The following ATIC variants were observed in gnomAD, a reference collection of about 807,000 sequenced individuals.
ATIC encodes the protein bifunctional purine biosynthesis protein ATIC.
ATIC carries 64 observed loss-of-function variants against 72.5 expected under a neutral mutation model. The ratio of observed to expected loss-of-function variants is 0.88; its 90% confidence interval spans 0.72 to 1.09. The LOEUF is 1.09. ATIC is among the 50% of genes least tolerant of loss of function. ATIC has a pLI of 0.00. For missense variants in ATIC, 787 were observed against 732.4 expected (o/e 1.07, Z -0.86); for synonymous variants, 281 against 267.1 (o/e 1.05, Z -0.51).
At chr2:215,354,851 CCTGA>C in the ATIC span, among the ~76,000 whole-genome samples, 1 of 151,376 alleles carries the variant, frequency 6.6e-6, no homozygotes, top group Non-Finnish European at 1.5e-5. Context: ...GCTCATTTTC[CCTGA>C]CTAACATTGG....
chr2:215,323,086 A>G (rs575714432), intron 4 of ATIC, among the ~76,000 whole-genome samples: 2 of 152,200 alleles, frequency 1.3e-5, no homozygotes, highest in East Asian at 3.9e-4. Flanking sequence ...CTGGGACTAT[A>G]GGCGCCCGCT....
downstream of ATIC, among the ~76,000 whole-genome samples, chr2:215,353,077 T>C (rs1463384993): frequency 1.3e-5 from 2 of 152,252 alleles, no homozygotes; most frequent in Non-Finnish European, 2.9e-5. Context: ...GTTCACTTCC[T>C]ATATATTTGA....
At position 215,349,145 on chromosome 2, in the gene ATIC, C is replaced by G. The variant is rs747285052; in HGVS notation, c.1555C>G (p.Leu519Val). The G allele has an allele frequency of 1.2e-6, 2 of 1,613,996 alleles. No individual in the cohort carries two copies. Among genetic ancestry groups the G allele is most frequent in the Admixed American group, 3.3e-5 (2 of 60,000 alleles). The change falls in exon 15 of 16, where the codon CTC becomes GTC. Residue 519 changes from leucine (L) to valine (V), a missense_variant. Leu to Val is a conservative substitution (Grantham distance 32, BLOSUM62 1). Coordinates refer to ENST00000236959, the MANE Select transcript of ATIC (RefSeq NM_004044.7). ...KALFEEVPELLTEAEKKEWVE... is the reference protein window; with the variant it reads ...KALFEEVPELVTEAEKKEWVE... The stretch of plus-strand genomic sequence containing the variant: ...ACTGTTTGAGGAAGTCCCTGAGTTA[C>G]TCACTGAGGCAGAGAAGAAGGAATG...
Position 215,336,070 on chromosome 2 carries a change from A to G in ATIC, c.1044A>G (p.Glu348=), listed in dbSNP as rs766580776. The change falls in exon 11 of 16, where the codon GAA becomes GAG. Residue 348 remains glutamate (E), a synonymous_variant. Transcript: ENST00000236959. The stretch of plus-strand genomic sequence containing the variant: ...GTATAATTGCCCCAGGATATGAAGA[A>G]GAAGCCTTGACAATACTTTCCAAAA... ...SDGIIAPGYE[E]EALTILSKKK... 1 of 1,612,968 alleles carries G rather than the reference A, an allele frequency of 6.2e-7. No individual in the cohort carries two copies. Among genetic ancestry groups the G allele is most frequent in the African/African-American group, 1.3e-5 (1 of 74,920 alleles).
At chr2:215,362,341 T>G in the ATIC span, 1 of 472,702 alleles carries the variant, frequency 2.1e-6, no homozygotes, top group Non-Finnish European at 3.9e-6. Context: ...ATTCAAACCT[T>G]GCCCATCTGC....
At chr2:215,363,609 A>G in the ATIC span, 1 of 152,162 alleles carries the variant, frequency 6.6e-6, no homozygotes, top group Non-Finnish European at 1.5e-5. Flanking sequence ...GTTTCTTTGC[A>G]TCTTGGATAC....
the ATIC span, among the ~76,000 whole-genome samples, chr2:215,357,925 A>G: frequency 6.6e-6 from 1 of 151,562 alleles, no homozygotes; most frequent in Admixed American, 6.6e-5. Context: ...CACATTCCCT[A>G]TCACAGTAAT....
chr2:215,361,060 T>C, the ATIC span: 1 of 156,956 alleles, frequency 6.4e-6, no homozygotes. Context: ...GAGAAAGATA[T>C]TTCTAGGCAA....
chr2:215,335,281 T>A (rs947368027), intron 10 of ATIC, among the ~76,000 whole-genome samples: 2 of 152,218 alleles, frequency 1.3e-5, no homozygotes, highest in African/African-American at 4.8e-5. Flanking sequence ...CCAAAGTTAC[T>A]GTTTCTGAAG....
At chr2:215,341,427 T>G (rs1299927631) in intron 12 of ATIC, among the ~76,000 whole-genome samples, 1 of 152,200 alleles carries the variant, frequency 6.6e-6, no homozygotes, top group East Asian at 1.9e-4. Context: ...CTCTGGATAT[T>G]TTTTATAAGA....
chr2:215,314,842 A>T (rs891833539), intron 2 of ATIC, among the ~76,000 whole-genome samples: 1 of 152,160 alleles, frequency 6.6e-6, no homozygotes, highest in Non-Finnish European at 1.5e-5. Context: ...TCCATCGTAA[A>T]CGTCACGGCC....
At chr2:215,312,652 G>A (rs2052666602) in intron 2 of ATIC, 28 bp downstream of exon 2, 1 of 1,613,966 alleles carries the variant, frequency 6.2e-7, no homozygotes, top group Admixed American at 1.7e-5. Context: ...CCATCAGAAA[G>A]GAGTGTGATC....
intron 12 of ATIC, among the ~76,000 whole-genome samples, chr2:215,339,687 T>G (rs2052996729): frequency 6.6e-6 from 1 of 152,044 alleles, no homozygotes; most frequent in Non-Finnish European, 1.5e-5. Flanking sequence ...CAGGCTGGAG[T>G]GCAGTGGTGC....
chr2:215,362,895 G>A, the ATIC span: 1 of 152,504 alleles, frequency 6.6e-6, no homozygotes, highest in African/African-American at 2.4e-5. Flanking sequence ...CGGAGCAAGA[G>A]GGAGTCCGGG....
chr2:215,312,502 A>G lies in ATIC; in HGVS notation c.24A>G (p.Leu8=), dbSNP rs758248118. The G allele has an allele frequency of 2.5e-6, 4 of 1,614,220 alleles. No individual in the cohort carries two copies. Among genetic ancestry groups the G allele is most frequent in the Non-Finnish European group, 3.4e-6 (4 of 1,180,040 alleles). ...AAAAAATGTCTTCTCTTTCAGCCTTATTTAGTGTCTCTGACAAAACCGGCC... is the reference window on the plus strand; with the variant it reads ...AAAAAATGTCTTCTCTTTCAGCCTTGTTTAGTGTCTCTGACAAAACCGGCC... The part of the protein sequence containing the change: MAPGQLA[L]FSVSDKTGLV... The change falls in exon 2 of 16, where the codon TTA becomes TTG. Residue 8 remains leucine (L), a synonymous_variant. Transcript: ENST00000236959.
intron 4 of ATIC, among the ~76,000 whole-genome samples, chr2:215,323,998 T>G (rs114507401): frequency 0.02 from 3,023 of 152,216 alleles, 93 homozygotes; most frequent in African/African-American, 0.068. Flanking sequence ...CCAACCTCAG[T>G]TGATCCATCC....
downstream of ATIC, among the ~76,000 whole-genome samples, chr2:215,351,106 C>T (rs2053127211): frequency 6.6e-6 from 1 of 152,152 alleles, no homozygotes; most frequent in Non-Finnish European, 1.5e-5. Context: ...TGGATTACTT[C>T]CTCTGGGATA....
At position 215,326,111 on chromosome 2, in the gene ATIC, G is replaced by T. The variant is rs774142156; in HGVS notation, c.504G>T (p.Leu168Phe). 13 of 1,614,076 alleles carry T rather than the reference G, an allele frequency of 8.1e-6. No homozygotes were observed. Among genetic ancestry groups the T allele is most frequent in the Non-Finnish European group, 1.1e-5 (13 of 1,179,988 alleles). The change falls in exon 6 of 16, where the codon TTG becomes TTT. Residue 168 changes from leucine (L) to phenylalanine (F), a missense_variant. Leu to Phe is a conservative substitution (Grantham distance 22, BLOSUM62 0). Transcript: ENST00000236959. ...GCTCCGAGAGTAAGGACACCTCCTTGGAGACTAGACGCCAGTTAGCCTTGA... is the reference window on the plus strand; with the variant it reads ...GCTCCGAGAGTAAGGACACCTCCTTTGAGACTAGACGCCAGTTAGCCTTGA... ...MQSSESKDTS[L>F]ETRRQLALKA... is the part of the protein sequence containing the mutation.
At chr2:215,349,356 A>C in intron 15 of ATIC, 107 bp downstream of exon 15, 1 of 1,576,634 alleles carries the variant, frequency 6.3e-7, no homozygotes, top group South Asian at 1.1e-5. Flanking sequence ...GATACAGATC[A>C]GTAATATTCA....
Sources: gnomAD v4.1 joint callset for allele counts (sites outside exome capture counted in the v4.1 genomes callset) on GRCh38, gnomAD v4.1.1 for gene constraint, MANE v1.5 for transcripts, NCBI Gene and HGNC (gene_info 2026-07-23, HGNC 2026-07-21) for gene names.